The following CTNND2 variants were observed in gnomAD, a reference collection of about 807,000 sequenced individuals.
The protein encoded by CTNND2 is catenin delta-2.
CTNND2 carries 22 observed loss-of-function variants against 144.4 expected under a neutral mutation model. The observed-to-expected ratio is 0.15, with a 90% CI of 0.11 to 0.22. The LOEUF (loss-of-function observed/expected upper bound fraction) is 0.22, where lower values mean the gene tolerates loss of function less well. Among genes scored for constraint, CTNND2 ranks in the 10% least tolerant of loss-of-function variants. The probability of loss-of-function intolerance (pLI) is 1.00; values close to 1 mark genes in which losing one functional copy is unlikely to be tolerated. For missense variants in CTNND2, 1,353 were observed against 1,618.8 expected, an observed-to-expected ratio of 0.84 and a Z score of 2.82; for synonymous variants, 751 against 695.6, an observed-to-expected ratio of 1.08 and a Z score of -1.25.
chr5:11,823,693 G>C (rs915925921), intron 1 of CTNND2, among the ~76,000 whole-genome samples: 1 of 151,968 alleles, frequency 6.6e-6, no homozygotes, highest in Non-Finnish European at 1.5e-5. Flanking sequence ...CTATGTAAAA[G>C]GTTTCTAGGC....
chr5:11,079,021 T>C (rs562067300), intron 16 of CTNND2, among the ~76,000 whole-genome samples: 35 of 152,350 alleles, frequency 2.3e-4, no homozygotes, highest in African/African-American at 7.2e-4. Flanking sequence ...GCAAATATTA[T>C]GGTTTTTCTT....
At chr5:11,267,254 C>G (rs1290240505) in intron 9 of CTNND2, among the ~76,000 whole-genome samples, 5 of 152,108 alleles carry the variant, frequency 3.3e-5, no homozygotes, top group Non-Finnish European at 7.4e-5. Context: ...GGATTCTCCC[C>G]ACGTGGAGCT....
At chr5:11,100,163 T>C (rs1311980170) in intron 14 of CTNND2, among the ~76,000 whole-genome samples, 1 of 152,218 alleles carries the variant, frequency 6.6e-6, no homozygotes, top group East Asian at 1.9e-4. Flanking sequence ...AAAAACTTCA[T>C]TATTTATTTC....
chr5:11,164,735 T>C (rs1233343168), intron 11 of CTNND2, among the ~76,000 whole-genome samples: 1 of 152,248 alleles, frequency 6.6e-6, no homozygotes, highest in Non-Finnish European at 1.5e-5. Flanking sequence ...TTAAATGTGC[T>C]AAACTCAGAG....
intron 16 of CTNND2, among the ~76,000 whole-genome samples, chr5:11,071,191 C>T (rs1748235787): frequency 1.3e-5 from 2 of 152,176 alleles, no homozygotes; most frequent in African/African-American, 4.8e-5. Flanking sequence ...GACATATCTA[C>T]TGCACTAAGA....
At chr5:11,352,536 A>G (rs577748124) in intron 8 of CTNND2, among the ~76,000 whole-genome samples, 1 of 152,308 alleles carries the variant, frequency 6.6e-6, no homozygotes, top group South Asian at 2.1e-4. Flanking sequence ...TGTCCTGAAC[A>G]TGTATCCTGA....
At chr5:11,288,798 T>C (rs573337456) in intron 9 of CTNND2, among the ~76,000 whole-genome samples, 4 of 143,810 alleles carry the variant, frequency 2.8e-5, no homozygotes, top group South Asian at 4.3e-4. Context: ...TGAGATCCTA[T>C]GATGAGAAAA....
intron 9 of CTNND2, among the ~76,000 whole-genome samples, chr5:11,261,849 G>T (rs1477335614): frequency 6.6e-6 from 1 of 152,170 alleles, no homozygotes; most frequent in Non-Finnish European, 1.5e-5. Context: ...AAGTCAACTT[G>T]AAGTTGAAAT....
intron 8 of CTNND2, among the ~76,000 whole-genome samples, chr5:11,348,757 C>T (rs1164705222): frequency 1.3e-5 from 2 of 151,812 alleles, no homozygotes; most frequent in Non-Finnish European, 1.5e-5. Flanking sequence ...GAAAATATAA[C>T]AAGAAAGAGT....
chr5:11,489,920 TTGCCTCCACC>T, intron 3 of CTNND2, among the ~76,000 whole-genome samples: 1 of 152,322 alleles, frequency 6.6e-6, no homozygotes, highest in Admixed American at 6.5e-5. Context: ...CCAATGCCTC[TTGCCTCCACC>T]TGCTCTAGTA....
chr5:11,409,320 T>C (rs561653650), intron 5 of CTNND2, among the ~76,000 whole-genome samples: 53 of 152,152 alleles, frequency 3.5e-4, no homozygotes, highest in Non-Finnish European at 6.6e-4. Flanking sequence ...ATTGCCTTTA[T>C]CTTCTAGTAG....
At chr5:11,692,230 G>A (rs1017524588) in intron 2 of CTNND2, among the ~76,000 whole-genome samples, 1 of 152,068 alleles carries the variant, frequency 6.6e-6, no homozygotes, top group Non-Finnish European at 1.5e-5. Context: ...ACTATTAGGG[G>A]TTTTTATTTT....
rs543941034 is a variant in CTNND2, at chr5:11,626,219, A to G, written c.175-61163T>C. Among the ~76,000 whole-genome samples, 6 of 152,292 alleles carry G rather than the reference A, an allele frequency of 3.9e-5. No homozygotes were observed. The South Asian group carries it at 1.2e-3, about 32-fold the overall frequency. On this transcript the variant is annotated intron_variant, in intron 2 of 21. Transcript: ENST00000304623. Reference sequence around the variant, plus strand: ...ACTCGAAGTCTTTTGTTGCACATTGATGCCAACTTGTCTACCTTCCCCTTA... The same window carrying G: ...ACTCGAAGTCTTTTGTTGCACATTGGTGCCAACTTGTCTACCTTCCCCTTA...
chr5:11,616,592 TTCCTTCCTTCC>T (rs1266163769), intron 2 of CTNND2, among the ~76,000 whole-genome samples: 2 of 150,196 alleles, frequency 1.3e-5, no homozygotes, highest in Non-Finnish European at 3.0e-5. Context: ...TTCCCCTTCC[TTCCTTCCTTCC>T]TCCTTCCTTC....
intron 9 of CTNND2, among the ~76,000 whole-genome samples, chr5:11,304,511 C>T (rs1749973386): frequency 6.6e-6 from 1 of 152,148 alleles, no homozygotes. Context: ...AGACCTGAAA[C>T]TTGTATAATA....
chr5:11,182,090 GGT>G (rs1356171628), intron 11 of CTNND2, among the ~76,000 whole-genome samples: 2 of 138,974 alleles, frequency 1.4e-5, no homozygotes, highest in Admixed American at 1.5e-4. Flanking sequence ...GTATGTGTGG[GGT>G]GTGTGTGGAT....
At chr5:11,816,294 A>G (rs577006481) in intron 1 of CTNND2, among the ~76,000 whole-genome samples, 9 of 152,232 alleles carry the variant, frequency 5.9e-5, no homozygotes, top group African/African-American at 2.2e-4. Context: ...AAGAGAACTG[A>G]GCTTGAAACT....
chr5:11,811,110 G>A (rs572594427), intron 1 of CTNND2, among the ~76,000 whole-genome samples: 4 of 152,238 alleles, frequency 2.6e-5, no homozygotes, highest in African/African-American at 9.6e-5. Flanking sequence ...GAGTTTCCTA[G>A]GAACCAGTCA....
intron 18 of CTNND2, among the ~76,000 whole-genome samples, chr5:10,999,199 A>T (rs1739665786): frequency 6.6e-6 from 1 of 152,218 alleles, no homozygotes; most frequent in African/African-American, 2.4e-5. Flanking sequence ...CTAGCCATGT[A>T]TATTTTTGTT....
Sources: gnomAD v4.1 joint callset for allele counts (sites outside exome capture counted in the v4.1 genomes callset) on GRCh38, gnomAD v4.1.1 for gene constraint, MANE v1.5 for transcripts, NCBI Gene and HGNC (gene_info 2026-07-23, HGNC 2026-07-21) for gene names.